The following ZNF142 variants were observed in gnomAD, a reference collection of about 807,000 sequenced individuals.
The protein encoded by ZNF142 is zinc finger protein 142 (clone pHZ-49).
Under a neutral mutation model 132.1 loss-of-function variants are expected in ZNF142, and 96 were observed. That is an observed-to-expected ratio of 0.73 (90% CI 0.62 to 0.86). The LOEUF is 0.86. ZNF142 is among the 40% of genes least tolerant of loss of function. The pLI, the probability that ZNF142 is intolerant of heterozygous loss-of-function variation, is 0.00. For missense variants in ZNF142, 2,163 were observed against 2,336.2 expected, an observed-to-expected ratio of 0.93 and a Z score of 1.53; for synonymous variants, 842 against 890.1, an observed-to-expected ratio of 0.95 and a Z score of 0.96.
Position 218,640,728 on chromosome 2 carries a change from G to A in ZNF142, c.5130C>T (p.Cys1710=), listed in dbSNP as rs1457845594. ...ACTTGCACTTGTAGCCACACTCAGGGCACAGGTACTTCCGTTCCTCCTTGT... is the reference window on the plus strand; with the variant it reads ...ACTTGCACTTGTAGCCACACTCAGGACACAGGTACTTCCGTTCCTCCTTGT... ...RIHKEERKYL[C]PECGYKCKWV... Residue 1710 remains cysteine, a synonymous_variant, in exon 10 of 11, where the codon TGC becomes TGT. Coordinates refer to ENST00000411696, the MANE Select transcript of ZNF142 (RefSeq NM_001379659.1). 1 of 1,614,188 alleles carries A rather than the reference G, an allele frequency of 6.2e-7. No individual in the cohort carries two copies.
rs1252932992 is a variant in ZNF142 at position 218,656,102 on chromosome 2, A to C, written c.280+48T>G. ...CAGAATCAAAAATAACCCAGACAAA[A>C]CCTCAGAGCTGCTTGTCCCACTGGC... On this transcript the variant is annotated intron_variant, in intron 4 of 10. Coordinates refer to ENST00000411696, the MANE Select transcript of ZNF142 (RefSeq NM_001379659.1). 2.8e-6 allele frequency: 4 copies of C among 1,442,868 alleles called. No homozygotes were observed. In the South Asian group the frequency reaches 5.0e-5, roughly 18 times the overall value. 89.4% of individuals were successfully genotyped at this position (1,442,868 alleles called of 1,614,324 possible).
intron 7 of ZNF142, among the ~76,000 whole-genome samples, chr2:218,647,063 A>G (rs1559296958): frequency 6.6e-6 from 1 of 152,208 alleles, no homozygotes; most frequent in Non-Finnish European, 1.5e-5. Flanking sequence ...TAATAAAAAT[A>G]TTAACAGCCA....
chr2:218,648,500 C>T, intron 7 of ZNF142, 135 bp downstream of exon 7: 1 of 825,964 alleles, frequency 1.2e-6, no homozygotes, highest in Non-Finnish European at 1.9e-6. Flanking sequence ...ACTTAAGGCT[C>T]ATTTGTAAAC....
intron 4 of ZNF142, among the ~76,000 whole-genome samples, 153 bp downstream of exon 4, chr2:218,655,997 C>T (rs1185872520): frequency 6.6e-6 from 1 of 152,236 alleles, no homozygotes; most frequent in Non-Finnish European, 1.5e-5. Flanking sequence ...CTTCAATCAA[C>T]ATGCACCAAC....
chr2:218,636,119 T>G lies in ZNF142; in HGVS notation c.*2220A>C, dbSNP rs879735198. 1 of 1,388,768 alleles carries G rather than the reference T, an allele frequency of 7.2e-7. No homozygotes were observed. The highest frequency in any genetic ancestry group is 1.4e-5 in the African/African-American group (1 of 69,926). The allele number at this position is 1,388,768 out of a possible 1,614,324, so 86.0% of individuals were successfully genotyped here. A position where few individuals can be genotyped will look rare whatever the true frequency, so the allele number is the denominator to read the frequency against. On this transcript the variant is annotated 3_prime_UTR_variant, in exon 11 of 11. Transcript: ENST00000411696. ...ACCTGGGCAAATTACTTGCTTACTCTGAGCCTTTTTCCTTACCTGTAAAAT... is the reference window on the plus strand; with the variant it reads ...ACCTGGGCAAATTACTTGCTTACTCGGAGCCTTTTTCCTTACCTGTAAAAT...
intron 6 of ZNF142, among the ~76,000 whole-genome samples, chr2:218,649,949 C>T (rs1160681669): frequency 6.6e-6 from 1 of 152,192 alleles, no homozygotes; most frequent in African/African-American, 2.4e-5. Flanking sequence ...AACTATGCTC[C>T]TTGTGGGATG....
chr2:218,645,410 C>T (rs1298475995), intron 8 of ZNF142, among the ~76,000 whole-genome samples: 2 of 152,190 alleles, frequency 1.3e-5, no homozygotes, highest in Admixed American at 6.5e-5. Context: ...AAGGAACTGA[C>T]GTGGCTACAA....
rs778169807 is a variant in ZNF142, at chr2:218,633,578, T to G, written c.*4761A>C. 2 of 1,609,056 alleles carry G rather than the reference T, an allele frequency of 1.2e-6. No homozygotes were observed. Among genetic ancestry groups the G allele is most frequent in the Non-Finnish European group, 1.7e-6 (2 of 1,175,452 alleles). On this transcript the variant is annotated 3_prime_UTR_variant, in exon 11 of 11. Coordinates refer to ENST00000411696, the MANE Select transcript of ZNF142 (RefSeq NM_001379659.1). Reference sequence around the variant, plus strand: ...CTCTCTCAGACTGCTGAGGGTTCAATTCCATCTTCTTTTCCACCTTCTCCA... The same window carrying G: ...CTCTCTCAGACTGCTGAGGGTTCAAGTCCATCTTCTTTTCCACCTTCTCCA...
At position 218,638,533 on chromosome 2, in the gene ZNF142, G is replaced by A. The variant is rs755448262; in HGVS notation, c.5470C>T (p.Arg1824Cys). The change falls in exon 11 of 11, where the codon CGC (arginine) becomes TGC (cysteine). Residue 1824 changes from arginine (R) to cysteine (C), a missense_variant. By Grantham distance (180) the Arg-to-Cys change is radical (BLOSUM62 -3). Coordinates refer to ENST00000411696, the MANE Select transcript of ZNF142 (RefSeq NM_001379659.1). ...THTDRHPFFC[R>C]LCNYKAKQKF... ...TGCTTGGCCTTGTAGTTGCAGAGGC[G>A]GCAAAAGAAGGGGTGGCGGTCGGTG... 7 of 1,610,142 alleles carry A rather than the reference G, an allele frequency of 4.3e-6. No individual in the cohort carries two copies. The highest frequency in any genetic ancestry group is 3.3e-5 in the Admixed American group (2 of 59,848).
rs1193279722 is a variant in ZNF142, at chr2:218,643,787, G to A, written c.3329C>T (p.Pro1110Leu). The A allele has an allele frequency of 6.2e-7, 1 of 1,611,348 alleles. No homozygotes were observed. Among genetic ancestry groups the A allele is most frequent in the Admixed American group, 1.7e-5 (1 of 59,696 alleles). Residue 1110 changes from proline (P) to leucine (L), a missense_variant, in exon 9 of 11, where the codon CCT (proline) becomes CTT (leucine). Pro to Leu is a moderately conservative substitution (Grantham distance 98, BLOSUM62 -3). Transcript: ENST00000411696. The stretch of plus-strand genomic sequence containing the variant: ...TGAGGCCTGGGTACCTGGGAGCACA[G>A]GTTGCAGAGGGATGGGTGAATCTGG... ...PRPDSPIPLQ[P>L]VLPGTQASED...
rs746015594 is a variant in ZNF142 at position 218,645,038 on chromosome 2, C to T, written c.2078G>A (p.Arg693His). 4 of 1,612,950 alleles carry T rather than the reference C, an allele frequency of 2.5e-6. No homozygotes were observed. The highest frequency in any genetic ancestry group is 1.1e-5 in the South Asian group (1 of 91,068). The change falls in exon 9 of 11, where the codon CGC becomes CAC. Residue 693 changes from arginine (R) to histidine (H), a missense_variant. By Grantham distance (29) the Arg-to-His change is conservative. This residue lies in a region of ZNF142 where 749 missense variants were observed against 830.3 expected (regional missense o/e 0.90). Coordinates refer to ENST00000411696, the MANE Select transcript of ZNF142 (RefSeq NM_001379659.1). ...LRYQCNQCSY[R>H]CHRADQLSSH... is the part of the protein sequence containing the mutation. ...GCTCAGCTGATCAGCCCGGTGACAGCGATAGGAGCACTGGTTGCACTGATA... is the reference window on the plus strand; with the variant it reads ...GCTCAGCTGATCAGCCCGGTGACAGTGATAGGAGCACTGGTTGCACTGATA...
In ZNF142 at chr2:218,637,329, G is replaced by T; in HGVS notation, c.*1010C>A. 6.3e-6 allele frequency: 1 copy of T among 158,174 alleles called. No individual in the cohort carries two copies. The highest frequency in any genetic ancestry group is 1.4e-5 in the Non-Finnish European group (1 of 71,820). The allele number at this position is 158,174 out of a possible 1,614,324, so 9.8% of individuals were successfully genotyped here. ...GCTACATAGGAAGGACACAGAGTAT[G>T]GCTTTTAAGAATCAGGGCAAAAGCA... is the stretch of plus-strand genomic sequence containing the variant. On this transcript the variant is annotated 3_prime_UTR_variant, in exon 11 of 11. Coordinates refer to ENST00000411696, the MANE Select transcript of ZNF142 (RefSeq NM_001379659.1).
Position 218,644,544 on chromosome 2 carries a change from C to A in ZNF142, c.2572G>T (p.Glu858Ter). 1 of 1,614,042 alleles carries A rather than the reference C, an allele frequency of 6.2e-7. No individual in the cohort carries two copies. The highest frequency in any genetic ancestry group is 8.5e-7 in the Non-Finnish European group (1 of 1,180,032). ...CCAGTGTTGACCTCCTCACTCATCT[C>A]TGGCAGGGCCTGGTCCAAGCTGGGG... The part of the protein sequence containing the change: ...VDPSLDQALP[E>*]MSEEVNTGRQ... The change falls in exon 9 of 11, where the codon GAG becomes TAG. Residue 858 changes from glutamate (E) to a stop codon, truncating the protein, a stop_gained. Coordinates refer to ENST00000411696, the MANE Select transcript of ZNF142 (RefSeq NM_001379659.1). LOFTEE classifies it high-confidence loss of function. This position sits in a 1 kb window ranked among gnomAD's most constrained non-coding sequence, Gnocchi z 4.6.
rs764679397 is a variant in ZNF142, at chr2:218,643,951, G to A, written c.3165C>T (p.Ser1055=). ...TRREKALNLH[S]RTGCQGRREP... is the part of the protein sequence containing the mutation. Reference sequence around the variant, plus strand: ...CTCGGCGGCCTTGGCACCCAGTCCTGGAGTGCAGATTCAGGGCCTTCTCCC... The same window carrying A: ...CTCGGCGGCCTTGGCACCCAGTCCTAGAGTGCAGATTCAGGGCCTTCTCCC... Residue 1055 remains serine (S), a synonymous_variant, in exon 9 of 11, where the codon TCC becomes TCT. Transcript: ENST00000411696. 51 of 1,614,152 alleles carry A rather than the reference G, an allele frequency of 3.2e-5. No individual in the cohort carries two copies. The South Asian group carries it at 4.9e-4, about 16-fold the overall frequency.
chr2:218,638,532 C>T lies in ZNF142; in HGVS notation c.5471G>A (p.Arg1824His), dbSNP rs1355988469. The T allele has an allele frequency of 8.7e-6, 14 of 1,609,742 alleles. No homozygotes were observed. Among genetic ancestry groups the T allele is most frequent in the Admixed American group, 3.3e-5 (2 of 59,838 alleles). Reference protein sequence around the residue: ...THTDRHPFFCRLCNYKAKQKF... With the variant: ...THTDRHPFFCHLCNYKAKQKF... ...TTGCTTGGCCTTGTAGTTGCAGAGG[C>T]GGCAAAAGAAGGGGTGGCGGTCGGT... The change falls in exon 11 of 11, where the codon CGC becomes CAC. Residue 1824 changes from arginine to histidine, a missense_variant. Transcript: ENST00000411696.
At position 218,635,952 on chromosome 2, in the gene ZNF142, G is replaced by A; in HGVS notation, c.*2387C>T. On this transcript the variant is annotated 3_prime_UTR_variant, in exon 11 of 11. Coordinates refer to ENST00000411696, the MANE Select transcript of ZNF142 (RefSeq NM_001379659.1). ...CAATGGTGAGAAACTGGCAGTGCTGGGGAGGTGGGGGTAGGAGCATGATTA... is the reference window on the plus strand; with the variant it reads ...CAATGGTGAGAAACTGGCAGTGCTGAGGAGGTGGGGGTAGGAGCATGATTA... 1 of 1,613,950 alleles carries A rather than the reference G, an allele frequency of 6.2e-7. No individual in the cohort carries two copies. The highest frequency in any genetic ancestry group is 8.5e-7 in the Non-Finnish European group (1 of 1,179,842).
Position 218,648,885 on chromosome 2 carries a change from G to A in ZNF142, c.1623C>T (p.Tyr541=), listed in dbSNP as rs144127489. 1.6e-5 allele frequency: 26 copies of A among 1,614,070 alleles called. No homozygotes were observed. In the African/African-American group the frequency reaches 2.8e-4, roughly 17 times the overall value. ...EAMEAHHKSH[Y]AFHCPHCDFA... is the part of the protein sequence containing the mutation. Reference sequence around the variant, plus strand: ...AATCACAGTGGGGGCAGTGGAAGGCGTAGTGACTCTTGTGGTGGGCCTCCA... The same window carrying A: ...AATCACAGTGGGGGCAGTGGAAGGCATAGTGACTCTTGTGGTGGGCCTCCA... Residue 541 remains tyrosine, a synonymous_variant, in exon 7 of 11, where the codon TAC becomes TAT. Coordinates refer to ENST00000411696, the MANE Select transcript of ZNF142 (RefSeq NM_001379659.1).
intron 4 of ZNF142, among the ~76,000 whole-genome samples, chr2:218,653,590 A>T (rs1575084125): frequency 7.0e-6 from 1 of 142,754 alleles, no homozygotes; most frequent in Non-Finnish European, 1.5e-5. Context: ...AAAAAAAAAA[A>T]TTTCAGTGCA....
At position 218,636,707 on chromosome 2, in the gene ZNF142, T is replaced by C; in HGVS notation, c.*1632A>G. The C allele has an allele frequency of 1.0e-6, 1 of 958,938 alleles. No homozygotes were observed. 59.4% of individuals were successfully genotyped at this position (958,938 alleles called of 1,614,324 possible). On this transcript the variant is annotated 3_prime_UTR_variant, in exon 11 of 11. Transcript: ENST00000411696. The stretch of plus-strand genomic sequence containing the variant: ...GATTGTGCATTCCTAGGCACAAAAT[T>C]ACCTCATTCTTCCTAACAAGCAATC...
Sources: gnomAD v4.1 joint callset for allele counts (sites outside exome capture counted in the v4.1 genomes callset) on GRCh38, gnomAD v4.1.1 for gene constraint, gnomAD v4.1.1 regional missense constraint, Gnocchi (gnomAD v3.1) non-coding constraint, MANE v1.5 for transcripts, NCBI Gene and HGNC (gene_info 2026-07-23, HGNC 2026-07-21) for gene names.